MYL1: variants seen among roughly 807,000 people sequenced by gnomAD.
MYL1 encodes myosin light chain 1, also known as myosin light chain 1/3, skeletal muscle isoform.
In MYL1, 16 loss-of-function variants were observed where a neutral mutation model predicts 21.8. The observed-to-expected ratio is 0.74, with a 90% CI of 0.50 to 1.12. MYL1 has a LOEUF of 1.12. MYL1 is among the 50% of genes most tolerant of loss of function. The pLI is 0.00. For synonymous variants in MYL1, 99 were observed against 85.2 expected, an observed-to-expected ratio of 1.16 and a Z score of -0.89; for missense variants, 246 against 241.0, an observed-to-expected ratio of 1.02 and a Z score of -0.14.
intron 2 of MYL1, among the ~76,000 whole-genome samples, chr2:210,300,046 C>T (rs183223568): frequency 7.9e-6 from 1 of 127,250 alleles, no homozygotes; most frequent in African/African-American, 2.8e-5. Flanking sequence ...GATCAATTCC[C>T]TAAGCTAAAA....
intron 4 of MYL1, among the ~76,000 whole-genome samples, 169 bp from the exon 5 acceptor site, chr2:210,293,969 A>G (rs2125738761): frequency 6.6e-6 from 1 of 152,332 alleles, no homozygotes; most frequent in Non-Finnish European, 1.5e-5. Flanking sequence ...TTTTTGAATG[A>G]GTTAATTAAA....
chr2:210,303,944 C>G (rs1264357951), intron 1 of MYL1, among the ~76,000 whole-genome samples: 3 of 152,148 alleles, frequency 2.0e-5, no homozygotes, highest in Non-Finnish European at 4.4e-5. Flanking sequence ...CCAGACCCTT[C>G]TCTTGATGAC....
Position 210,293,762 on chromosome 2 carries a change from C to A in MYL1, c.517G>T (p.Ala173Ser). The part of the protein sequence containing the change: ...MKEEEVEALM[A>S]GQEDSNGCIN... ...CAGCCATTGGAGTCTTCTTGACCTG[C>A]CATCAGGGCTTCCACTTCTTCCTCT... Residue 173 changes from alanine to serine, a missense_variant, in exon 5 of 7, where the codon GCA (alanine) becomes TCA (serine). Transcript: ENST00000352451. The A allele has an allele frequency of 6.2e-7, 1 of 1,614,058 alleles. No individual in the cohort carries two copies. The highest frequency in any genetic ancestry group is 8.5e-7 in the Non-Finnish European group (1 of 1,179,942).
chr2:210,296,162 T>A (rs1462118939), intron 3 of MYL1, among the ~76,000 whole-genome samples: 3 of 152,200 alleles, frequency 2.0e-5, no homozygotes, highest in Admixed American at 2.0e-4. Flanking sequence ...TATTTTCGAT[T>A]GACACATACT....
intron 5 of MYL1, among the ~76,000 whole-genome samples, chr2:210,291,945 A>G (rs1690081961): frequency 6.6e-6 from 1 of 152,188 alleles, no homozygotes; most frequent in African/African-American, 2.4e-5. Flanking sequence ...TTTTAACAAC[A>G]TGCATTCCCA....
intron 2 of MYL1, among the ~76,000 whole-genome samples, chr2:210,299,394 T>G (rs189495745): frequency 1.3e-5 from 2 of 152,206 alleles, no homozygotes; most frequent in African/African-American, 4.8e-5. Flanking sequence ...AGTAGTAACA[T>G]TTTGCAAAAT....
chr2:210,303,417 C>T, intron 1 of MYL1: 1 of 783,204 alleles, frequency 1.3e-6, no homozygotes, highest in South Asian at 2.3e-5. Context: ...AAAGTAGATA[C>T]TAAAGACTCA....
At chr2:210,303,671 G>A in intron 1 of MYL1, 1 of 1,388,132 alleles carries the variant, frequency 7.2e-7, no homozygotes, top group Non-Finnish European at 9.7e-7. Context: ...TGACCTCACA[G>A]CTAGCATCAG....
At chr2:210,302,229 T>G (rs906080200) in intron 2 of MYL1, among the ~76,000 whole-genome samples, 1 of 152,158 alleles carries the variant, frequency 6.6e-6, no homozygotes, top group Non-Finnish European at 1.5e-5. Context: ...ATCAAATTGG[T>G]TTTATTTAGA....
rs115365230 is a variant in MYL1, at chr2:210,295,060, T to C, written c.305-642A>G. 5.4e-3 allele frequency among the ~76,000 whole-genome samples: 818 copies of C among 152,238 alleles called. 10 individuals carry two copies. The highest frequency in any genetic ancestry group is 0.019 in the African/African-American group (773 of 41,552). The stretch of plus-strand genomic sequence containing the variant: ...TCTTTGTACCTTAGAGGCCAGGAGA[T>C]GATAGGACTTTATTATCTTCTGACA... On this transcript the variant is annotated intron_variant, in intron 3 of 6. Transcript: ENST00000352451.
intron 2 of MYL1, among the ~76,000 whole-genome samples, chr2:210,301,510 T>A (rs1166897285): frequency 6.6e-6 from 1 of 152,060 alleles, no homozygotes; most frequent in Non-Finnish European, 1.5e-5. Flanking sequence ...TATTTATATT[T>A]TCATATCTAA....
At chr2:210,303,527 T>A (rs1690295239) in intron 1 of MYL1, 2 of 1,608,040 alleles carry the variant, frequency 1.2e-6, no homozygotes, top group South Asian at 1.1e-5. Flanking sequence ...CAAATTATTG[T>A]CTCATAGGAC....
At chr2:210,296,865 A>G (rs1436219656) in intron 3 of MYL1, among the ~76,000 whole-genome samples, 4 of 152,022 alleles carry the variant, frequency 2.6e-5, no homozygotes, top group African/African-American at 4.8e-5. Flanking sequence ...GATTCTACAT[A>G]TGAGTGAGAA....
chr2:210,311,417 T>A (rs1690417165), intron 1 of MYL1, among the ~76,000 whole-genome samples: 1 of 152,080 alleles, frequency 6.6e-6, no homozygotes, highest in East Asian at 1.9e-4. Flanking sequence ...TGTGGTCAAT[T>A]GTTGATGCAA....
intron 1 of MYL1, among the ~76,000 whole-genome samples, chr2:210,310,842 C>T (rs1009049329): frequency 3.9e-5 from 6 of 151,960 alleles, no homozygotes; most frequent in African/African-American, 1.4e-4. Context: ...AAAAAGGGCT[C>T]CTTTACACAT....
intron 3 of MYL1, among the ~76,000 whole-genome samples, chr2:210,297,205 G>T (rs184333665): frequency 1.0e-3 from 159 of 151,828 alleles, no homozygotes; most frequent in African/African-American, 3.6e-3. Flanking sequence ...GGGATTGCTG[G>T]ATCATATAAT....
intron 1 of MYL1, among the ~76,000 whole-genome samples, chr2:210,308,034 G>A (rs1464130137): frequency 6.6e-6 from 1 of 151,884 alleles, no homozygotes; most frequent in Non-Finnish European, 1.5e-5. Flanking sequence ...AAATGCCCTG[G>A]GAAGGAACAT....
chr2:210,306,835 G>C (rs951091885), intron 1 of MYL1, among the ~76,000 whole-genome samples: 6 of 151,662 alleles, frequency 4.0e-5, no homozygotes, highest in African/African-American at 1.5e-4. Flanking sequence ...CTTCTGTCTG[G>C]CTTACTTTTA....
chr2:210,304,289 T>C (rs1441425797), intron 1 of MYL1, among the ~76,000 whole-genome samples: 1 of 152,232 alleles, frequency 6.6e-6, no homozygotes, highest in African/African-American at 2.4e-5. Flanking sequence ...TCTTCCCTCC[T>C]TGTTATCTTT....
Sources: allele counts gnomAD v4.1 joint callset (sites outside exome capture counted in the v4.1 genomes callset), GRCh38; gene constraint gnomAD v4.1.1; transcripts MANE v1.5; gene names NCBI Gene and HGNC (gene_info 2026-07-23, HGNC 2026-07-21).